NDST4: variants seen among roughly 807,000 people sequenced by gnomAD.
NDST4 encodes N-deacetylase and N-sulfotransferase 4, also known as N-heparan sulfate sulfotransferase 4.
A neutral mutation model predicts 100.8 loss-of-function variants in NDST4; 63 were observed. That is an observed-to-expected ratio of 0.62 (90% CI 0.51 to 0.77). The LOEUF (loss-of-function observed/expected upper bound fraction) is 0.77, where lower values mean the gene tolerates loss of function less well. Ranked by LOEUF, NDST4 falls within the 30% of genes least tolerant of loss-of-function variation. NDST4 has a pLI of 0.00. For missense variants in NDST4, 943 were observed against 1,018.4 expected, an observed-to-expected ratio of 0.93 and a Z score of 1.01; for synonymous variants, 377 against 361.8, an observed-to-expected ratio of 1.04 and a Z score of -0.48.
At chr4:115,029,748 A>G (rs549315390) in intron 2 of NDST4, among the ~76,000 whole-genome samples, 7 of 152,234 alleles carry the variant, frequency 4.6e-5, no homozygotes, top group Non-Finnish European at 1.0e-4. Context: ...GGAGGATCCC[A>G]AACTTCCCTA....
At chr4:115,021,964 C>T (rs906894203) in intron 2 of NDST4, among the ~76,000 whole-genome samples, 3 of 152,002 alleles carry the variant, frequency 2.0e-5, no homozygotes, top group Non-Finnish European at 4.4e-5. Flanking sequence ...CATCTATGCA[C>T]ATTCCATATA....
At chr4:114,923,055 G>A (rs138892496) in intron 6 of NDST4, among the ~76,000 whole-genome samples, 1 of 152,064 alleles carries the variant, frequency 6.6e-6, no homozygotes, top group African/African-American at 2.4e-5. Context: ...AGTACTGTAG[G>A]CATAAGAAGC....
intron 2 of NDST4, among the ~76,000 whole-genome samples, chr4:115,013,370 T>TATGTATATATATATATAC (rs74678897): frequency 1.4e-4 from 10 of 71,450 alleles, no homozygotes; most frequent in Non-Finnish European, 1.9e-4. Flanking sequence ...TATATATATA[T>TATGTATATATATATATAC]ACACACACAT....
chr4:115,003,105 G>A (rs1174744757), intron 2 of NDST4, among the ~76,000 whole-genome samples: 8 of 152,102 alleles, frequency 5.3e-5, no homozygotes, highest in African/African-American at 1.9e-4. Flanking sequence ...GGGAGGGAGA[G>A]CATTAGGACA....
chr4:114,916,114 T>G (rs1725162526), intron 6 of NDST4, among the ~76,000 whole-genome samples: 1 of 152,176 alleles, frequency 6.6e-6, no homozygotes. Context: ...TTCTTTAAGA[T>G]GACAGTTTTT....
intron 6 of NDST4, among the ~76,000 whole-genome samples, chr4:114,888,865 A>G (rs536483659): frequency 1.3e-5 from 2 of 152,230 alleles, no homozygotes; most frequent in South Asian, 4.1e-4. Context: ...TTAATCACAT[A>G]GTCATTCTCA....
At chr4:115,026,416 A>AT (rs34104366) in intron 2 of NDST4, among the ~76,000 whole-genome samples, 4 of 145,378 alleles carry the variant, frequency 2.8e-5, no homozygotes, top group East Asian at 2.2e-4. Flanking sequence ...TCATAGTCTT[A>AT]TTTTTTTTTA....
In NDST4 at chr4:114,945,361, G is replaced by A. The variant is rs187477503; in HGVS notation, c.1222-7858C>T. 8.7e-4 allele frequency among the ~76,000 whole-genome samples: 132 copies of A among 152,132 alleles called. 1 individual carries two copies. Among genetic ancestry groups the A allele is most frequent in the South Asian group, 1.7e-3 (8 of 4,818 alleles). On this transcript the variant is annotated intron_variant, in intron 4 of 13. Transcript: ENST00000264363. ...TCAATATAAAGAGGGGTAAGAACCA[G>A]CAAATGGTATTTTCTCTATTTTTAT...
At chr4:115,000,969 T>C (rs978853133) in intron 2 of NDST4, among the ~76,000 whole-genome samples, 3 of 152,234 alleles carry the variant, frequency 2.0e-5, no homozygotes, top group East Asian at 1.9e-4. Context: ...AAAGGATGCA[T>C]GAACTCCCCT....
chr4:115,064,633 A>G (rs1002628367), intron 2 of NDST4, among the ~76,000 whole-genome samples: 1 of 152,006 alleles, frequency 6.6e-6, no homozygotes, highest in African/African-American at 2.4e-5. Context: ...TTGAGGACTT[A>G]TTGTACCTAC....
intron 1 of NDST4, among the ~76,000 whole-genome samples, chr4:115,111,483 T>C (rs1241744152): frequency 1.3e-5 from 2 of 151,632 alleles, no homozygotes; most frequent in African/African-American, 4.8e-5. Flanking sequence ...CCTTTTGATG[T>C]TTAGGATAAT....
At chr4:114,983,837 G>A (rs1206252874) in intron 2 of NDST4, among the ~76,000 whole-genome samples, 1 of 152,134 alleles carries the variant, frequency 6.6e-6, no homozygotes, top group Non-Finnish European at 1.5e-5. Flanking sequence ...GTGGGGCATG[G>A]TTGAAGGAGA....
intron 4 of NDST4, among the ~76,000 whole-genome samples, chr4:114,967,448 ATC>A (rs1483271186): frequency 3.9e-5 from 6 of 152,164 alleles, no homozygotes. Flanking sequence ...AAGCAATTAC[ATC>A]TGAGTCTTCT....
intron 8 of NDST4, among the ~76,000 whole-genome samples, chr4:114,851,288 G>A (rs796780719): frequency 4.6e-5 from 7 of 152,190 alleles, no homozygotes; most frequent in African/African-American, 1.7e-4. Context: ...TCTACAATTG[G>A]ATTTTAAGAA....
Position 114,880,909 on chromosome 4 carries a change from C to T in NDST4, c.1537-9959G>A, listed in dbSNP as rs559824335. Among the ~76,000 whole-genome samples, 42 of 152,118 alleles carry T rather than the reference C, an allele frequency of 2.8e-4. No individual in the cohort carries two copies. The South Asian group carries it at 8.3e-3, about 30-fold the overall frequency. On this transcript the variant is annotated intron_variant, in intron 6 of 13. Transcript: ENST00000264363. ...ATGAGTAGAGAATCTTCACGTGAGA[C>T]AATGGGTTGGAGTAGGAGCGGGGCT...
rs1318652893 is a variant in NDST4 at position 115,076,851 on chromosome 4, T to G, written c.186A>C (p.Ser62=). ...CTDIKILPYR[S]MELKTVKPID... ...TAGGTTTAACTGTTTTCAGCTCCAT[T>G]GACCTATATGGTAGAATTTTGATGT... is the stretch of plus-strand genomic sequence containing the variant. The change falls in exon 2 of 14, where the codon TCA becomes TCC. Residue 62 remains serine (S), a synonymous_variant. Coordinates refer to ENST00000264363, the MANE Select transcript of NDST4 (RefSeq NM_022569.3). 2 of 1,613,750 alleles carry G rather than the reference T, an allele frequency of 1.2e-6. No individual in the cohort carries two copies. The highest frequency in any genetic ancestry group is 1.7e-6 in the Non-Finnish European group (2 of 1,179,886).
intron 2 of NDST4, among the ~76,000 whole-genome samples, chr4:115,004,401 T>A (rs1019002586): frequency 1.3e-5 from 2 of 152,208 alleles, no homozygotes; most frequent in South Asian, 2.1e-4. Context: ...TCAGTTTTCA[T>A]CCCTATGGGA....
chr4:115,028,124 T>G (rs1480642395), intron 2 of NDST4, among the ~76,000 whole-genome samples: 1 of 152,028 alleles, frequency 6.6e-6, no homozygotes, highest in African/African-American at 2.4e-5. Flanking sequence ...ATGAATGTAC[T>G]TGTAGTAGAG....
intron 2 of NDST4, among the ~76,000 whole-genome samples, chr4:114,979,500 G>A (rs1287605437): frequency 1.3e-5 from 2 of 151,224 alleles, no homozygotes; most frequent in African/African-American, 4.9e-5. Context: ...AATTGGATTA[G>A]TTTCATTTAT....
Sources: allele counts gnomAD v4.1 joint callset (sites outside exome capture counted in the v4.1 genomes callset), GRCh38; gene constraint gnomAD v4.1.1; transcripts MANE v1.5; gene names NCBI Gene and HGNC (gene_info 2026-07-23, HGNC 2026-07-21).